Variants in KAT2B observed in about 807,000 individuals in gnomAD.
KAT2B encodes the protein lysine acetyltransferase 2B, also known as histone acetyltransferase KAT2B.
In KAT2B, 36 loss-of-function variants were observed where a neutral mutation model predicts 105.9. The ratio of observed to expected loss-of-function variants is 0.34; its 90% CI spans 0.26 to 0.45. KAT2B has a LOEUF of 0.45. KAT2B is among the 20% of genes least tolerant of loss of function. KAT2B has a pLI of 1.00. For synonymous variants in KAT2B, 397 were observed against 377.9 expected (o/e 1.05, Z -0.59); for missense variants, 820 against 1,021.6 (o/e 0.80, Z 2.69).
At chr3:20,096,026 G>A (rs999792081) in intron 3 of KAT2B, among the ~76,000 whole-genome samples, 34 of 152,038 alleles carry the variant, frequency 2.2e-4, no homozygotes, top group African/African-American at 8.0e-4. Flanking sequence ...GGGAGGAACG[G>A]GTATTTTAGG....
chr3:20,064,496 G>T (rs1453884647), intron 1 of KAT2B, among the ~76,000 whole-genome samples: 1 of 152,094 alleles, frequency 6.6e-6, no homozygotes, highest in Non-Finnish European at 1.5e-5. Flanking sequence ...GAGAAGTTAC[G>T]GTTTTGATCC....
chr3:20,056,488 G>A (rs1575107552), intron 1 of KAT2B, among the ~76,000 whole-genome samples: 3 of 152,190 alleles, frequency 2.0e-5, no homozygotes, highest in South Asian at 2.1e-4. Context: ...ATGAAATAAT[G>A]TATTTAGTAA....
chr3:20,044,922 A>G (rs9813441), intron 1 of KAT2B, among the ~76,000 whole-genome samples: 36,546 of 152,172 alleles, frequency 0.24, 4,771 homozygotes, highest in African/African-American at 0.33. Flanking sequence ...GCAGTTGTGG[A>G]ATTTTAACTT....
chr3:20,095,218 T>A, intron 2 of KAT2B, 45 bp from the exon 3 acceptor site: 1 of 1,539,936 alleles, frequency 6.5e-7, no homozygotes, highest in Non-Finnish European at 8.9e-7. Flanking sequence ...GAATGTTTGG[T>A]TTCCAATTGA....
At chr3:20,094,195 G>C (rs1252589743) in intron 2 of KAT2B, among the ~76,000 whole-genome samples, 1 of 152,132 alleles carries the variant, frequency 6.6e-6, no homozygotes, top group East Asian at 1.9e-4. Flanking sequence ...GAGGCCTCAG[G>C]AATCTTACAA....
At chr3:20,114,611 A>C (rs949716021) in intron 6 of KAT2B, among the ~76,000 whole-genome samples, 2 of 152,160 alleles carry the variant, frequency 1.3e-5, no homozygotes, top group African/African-American at 4.8e-5. Context: ...GAGGAAGATT[A>C]ATGCATTTCT....
intron 2 of KAT2B, among the ~76,000 whole-genome samples, chr3:20,091,365 T>C (rs1279743203): frequency 6.6e-6 from 1 of 152,252 alleles, no homozygotes; most frequent in East Asian, 1.9e-4. Context: ...TTTTCATTTC[T>C]TATTTTGAGT....
chr3:20,081,878 C>CATAT (rs139743528), intron 2 of KAT2B, among the ~76,000 whole-genome samples: 15 of 140,522 alleles, frequency 1.1e-4, no homozygotes, highest in African/African-American at 2.8e-4. Flanking sequence ...GTCATTGGCT[C>CATAT]ATATATATAT....
At chr3:20,133,791 T>C (rs1173927341) in intron 11 of KAT2B, among the ~76,000 whole-genome samples, 1 of 152,202 alleles carries the variant, frequency 6.6e-6, no homozygotes, top group Admixed American at 6.5e-5. Context: ...TTGCTGGCAC[T>C]GGGTACATAA....
At position 20,114,990 on chromosome 3, in the gene KAT2B, T is replaced by C; in HGVS notation, c.1150+2T>C. ...CCAGCCAGCTAGGCATCCAAACAGGTAAGTTTCCTTTTACATGAATCAGAG... is the reference window on the plus strand; with the variant it reads ...CCAGCCAGCTAGGCATCCAAACAGGCAAGTTTCCTTTTACATGAATCAGAG... On this transcript the variant is annotated splice_donor_variant, in intron 7 of 17. Coordinates refer to ENST00000263754, the MANE Select transcript of KAT2B (RefSeq NM_003884.5). LOFTEE classifies it high-confidence loss of function. 1 of 1,590,608 alleles carries C rather than the reference T, an allele frequency of 6.3e-7. No individual in the cohort carries two copies.
chr3:20,070,322 T>TTTTTTTC (rs10647897), intron 1 of KAT2B, among the ~76,000 whole-genome samples: 13 of 145,396 alleles, frequency 8.9e-5, no homozygotes, highest in South Asian at 4.4e-4. Context: ...TTTTTTTTTT[T>TTTTTTTC]TGAGATGGAG....
intron 12 of KAT2B, among the ~76,000 whole-genome samples, chr3:20,138,267 C>T (rs966163568): frequency 6.6e-6 from 1 of 152,040 alleles, no homozygotes; most frequent in African/African-American, 2.4e-5. Flanking sequence ...AATGCTTTGA[C>T]ATAAATCTTT....
intron 1 of KAT2B, among the ~76,000 whole-genome samples, chr3:20,044,069 GA>G (rs376427623): frequency 0.15 from 21,081 of 137,576 alleles, 1,801 homozygotes; most frequent in Non-Finnish European, 0.2. Flanking sequence ...AATAGAAAAA[GA>G]AAAAAAAAAA....
chr3:20,147,951 GT>G lies in KAT2B; in HGVS notation c.2120-10del. 1.2e-6 allele frequency: 2 copies of G among 1,612,746 alleles called. No homozygotes were observed. Among genetic ancestry groups the G allele is most frequent in the East Asian group, 4.5e-5 (2 of 44,778 alleles). ...CACTTCTCATTCAGTGTTTCACTTT[GT>G]TGACGTATAGGAGAGACAGGCTGGA... On this transcript the variant is annotated splice_polypyrimidine_tract_variant and intron_variant, in intron 14 of 17. Coordinates refer to ENST00000263754, the MANE Select transcript of KAT2B (RefSeq NM_003884.5).
chr3:20,129,328 G>A (rs1009100616), intron 11 of KAT2B, among the ~76,000 whole-genome samples: 17 of 150,852 alleles, frequency 1.1e-4, no homozygotes, highest in Admixed American at 2.6e-4. Context: ...TCAATGTCAC[G>A]AAGAATTATG....
At chr3:20,094,386 C>T (rs1575129635) in intron 2 of KAT2B, among the ~76,000 whole-genome samples, 1 of 152,288 alleles carries the variant, frequency 6.6e-6, no homozygotes, top group South Asian at 2.1e-4. Flanking sequence ...CAGCAGGTCC[C>T]TCCCTTGACA....
intron 1 of KAT2B, among the ~76,000 whole-genome samples, chr3:20,062,259 G>GAT (rs376801435): frequency 0.36 from 26,940 of 74,232 alleles, 7,218 homozygotes; most frequent in East Asian, 0.57. Context: ...TATAAAATAT[G>GAT]ATATATAATA....
At chr3:20,091,918 G>A (rs796556696) in intron 2 of KAT2B, among the ~76,000 whole-genome samples, 8 of 152,250 alleles carry the variant, frequency 5.3e-5, no homozygotes, top group African/African-American at 1.7e-4. Context: ...TTTCCTACCA[G>A]TGTGGTTGGA....
At chr3:20,103,634 C>T (rs1002883339) in intron 5 of KAT2B, among the ~76,000 whole-genome samples, 6 of 152,048 alleles carry the variant, frequency 3.9e-5, no homozygotes, top group Non-Finnish European at 2.9e-5. Context: ...GTCTCAAACT[C>T]CTGACCTCAA....
Sources: allele counts gnomAD v4.1 joint callset (sites outside exome capture counted in the v4.1 genomes callset), GRCh38; gene constraint gnomAD v4.1.1; transcripts MANE v1.5; gene names NCBI Gene and HGNC (gene_info 2026-07-23, HGNC 2026-07-21).